Variants in RGS18 observed in about 807,000 individuals in gnomAD.
The protein encoded by RGS18 is regulator of G protein signaling 18.
Under a neutral mutation model 27.6 loss-of-function variants are expected in RGS18, and 22 were observed. The observed-to-expected ratio is 0.80, with a 90% CI of 0.57 to 1.14. The LOEUF is 1.14. RGS18 is among the 50% of genes most tolerant of loss of function. The pLI, the probability that RGS18 is intolerant of heterozygous loss-of-function variation, is 0.00. For synonymous variants in RGS18, 89 were observed against 84.6 expected, an observed-to-expected ratio of 1.05 and a Z score of -0.29; for missense variants, 299 against 269.6, an observed-to-expected ratio of 1.11 and a Z score of -0.76.
intron 3 of RGS18, among the ~76,000 whole-genome samples, chr1:192,173,872 C>T (rs1460362226): frequency 2.0e-5 from 3 of 151,682 alleles, no homozygotes; most frequent in African/African-American, 7.3e-5. Flanking sequence ...TTGTTAATCT[C>T]TGTAGTTTTT....
At chr1:192,166,174 G>C (rs376154473) in intron 3 of RGS18, among the ~76,000 whole-genome samples, 5 of 152,158 alleles carry the variant, frequency 3.3e-5, no homozygotes, top group African/African-American at 1.2e-4. Flanking sequence ...GTGTAGGCAC[G>C]TTTGAAAGGA....
At chr1:192,179,932 AG>A (rs1656422548) in intron 3 of RGS18, among the ~76,000 whole-genome samples, 1 of 151,626 alleles carries the variant, frequency 6.6e-6, no homozygotes. Context: ...TAGTTTTCCA[AG>A]TTGTTACACT....
intron 3 of RGS18, among the ~76,000 whole-genome samples, chr1:192,161,293 G>C (rs1005597099): frequency 3.9e-5 from 6 of 152,160 alleles, no homozygotes; most frequent in Non-Finnish European, 5.9e-5. Flanking sequence ...GATGGAGGGT[G>C]AGGACAAGCA....
rs887069789 is a variant in RGS18, at chr1:192,167,426, C to CT, written c.283+6999dup. Among the ~76,000 whole-genome samples, 884 of 145,630 alleles carry CT rather than the reference C, an allele frequency of 6.1e-3. 5 individuals are homozygous for CT. The highest frequency in any genetic ancestry group is 0.016 in the African/African-American group (655 of 40,130). ...ACCCATAACAAGCACAAGCACTCAA[C>CT]TTTTTTTTTTTTATATTGAATCTCA... On this transcript the variant is annotated intron_variant, in intron 3 of 4. Transcript: ENST00000367460.
intron 3 of RGS18, among the ~76,000 whole-genome samples, chr1:192,161,278 T>G (rs183505420): frequency 3.3e-5 from 5 of 152,326 alleles, no homozygotes; most frequent in Non-Finnish European, 7.3e-5. Flanking sequence ...GAGCTTTGTC[T>G]GTGAGATGGA....
chr1:192,170,341 G>C (rs769524232), intron 3 of RGS18, among the ~76,000 whole-genome samples: 1 of 152,120 alleles, frequency 6.6e-6, no homozygotes, highest in African/African-American at 2.4e-5. Flanking sequence ...TGTCTTCGCA[G>C]TAATAAGCGA....
rs1656052506 is a variant in RGS18, at chr1:192,160,555, T to C, written c.283+116T>C. 3 of 637,892 alleles carry C rather than the reference T, an allele frequency of 4.7e-6. No homozygotes were observed. The East Asian group carries it at 8.5e-5, about 18-fold the overall frequency. 39.5% of individuals were successfully genotyped at this position (637,892 alleles called of 1,614,324 possible). On this transcript the variant is annotated intron_variant, in intron 3 of 4. Transcript: ENST00000367460. ...TTTTTGTCTGATTGTTAATTTTCAGTAATTCAATTTTCTGATCAACAGAAC... is the reference window on the plus strand; with the variant it reads ...TTTTTGTCTGATTGTTAATTTTCAGCAATTCAATTTTCTGATCAACAGAAC...
intron 3 of RGS18, among the ~76,000 whole-genome samples, chr1:192,162,649 A>G (rs1656094216): frequency 6.6e-6 from 1 of 152,018 alleles, no homozygotes. Flanking sequence ...CTTGCCCCGT[A>G]CTCACTTTCT....
At chr1:192,172,594 G>A (rs58014619) in intron 3 of RGS18, among the ~76,000 whole-genome samples, 2,748 of 151,780 alleles carry the variant, frequency 0.018, 87 homozygotes, top group African/African-American at 0.062. Flanking sequence ...TACATTTCCT[G>A]GGTCATGACC....
In RGS18 at chr1:192,185,557, A is replaced by G. The variant is rs545246077; in HGVS notation, c.*1003A>G. ...CTCATTGATTATATTCTTGTTAAGC[A>G]AATCTCCTTAAGTAATTATTATTCA... On this transcript the variant is annotated 3_prime_UTR_variant, in exon 5 of 5. Coordinates refer to ENST00000367460, the MANE Select transcript of RGS18 (RefSeq NM_130782.3). The G allele has an allele frequency of 2.6e-5, 4 of 151,780 alleles. No homozygotes were observed. Among genetic ancestry groups the G allele is most frequent in the African/African-American group, 9.6e-5 (4 of 41,492 alleles). The allele number at this position is 151,780 out of a possible 1,614,324, so 9.4% of individuals were successfully genotyped here.
At chr1:192,167,248 G>T (rs1656177593) in intron 3 of RGS18, among the ~76,000 whole-genome samples, 1 of 152,046 alleles carries the variant, frequency 6.6e-6, no homozygotes, top group South Asian at 2.1e-4. Flanking sequence ...ACAAGGAAAT[G>T]CATACTTCAC....
In RGS18 at chr1:192,158,659, T is replaced by C. The variant is rs1398453749; in HGVS notation, c.22T>C (p.Phe8Leu). The C allele has an allele frequency of 6.4e-7, 1 of 1,571,496 alleles. No individual in the cohort carries two copies. Reference sequence around the variant, plus strand: ...GAAGATGGAAACAACATTGCTTTTCTTTTCTCAAATAAATATGTGTGAATC... The same window carrying C: ...GAAGATGGAAACAACATTGCTTTTCCTTTCTCAAATAAATATGTGTGAATC... METTLLF[F>L]SQINMCESKE... Residue 8 changes from phenylalanine to leucine, a missense_variant, in exon 1 of 5, where the codon TTT (phenylalanine) becomes CTT (leucine). By Grantham distance (22) the Phe-to-Leu change is conservative. Transcript: ENST00000367460.
intron 3 of RGS18, among the ~76,000 whole-genome samples, chr1:192,163,993 T>A (rs1656117050): frequency 6.6e-6 from 1 of 152,020 alleles, no homozygotes; most frequent in Non-Finnish European, 1.5e-5. Flanking sequence ...CATACTTTTC[T>A]CAAATTCTGT....
intron 3 of RGS18, among the ~76,000 whole-genome samples, chr1:192,162,581 C>T (rs962428089): frequency 6.6e-6 from 1 of 152,152 alleles, no homozygotes; most frequent in African/African-American, 2.4e-5. Context: ...TCATGCCCAG[C>T]CCCAGTATAC....
intron 3 of RGS18, among the ~76,000 whole-genome samples, chr1:192,173,114 G>A: frequency 6.6e-6 from 1 of 151,398 alleles, no homozygotes; most frequent in East Asian, 2.0e-4. Context: ...TATTATTCTT[G>A]TTTCATTTTA....
chr1:192,178,845 A>G (rs998468447), intron 3 of RGS18, among the ~76,000 whole-genome samples: 4 of 151,654 alleles, frequency 2.6e-5, no homozygotes, highest in African/African-American at 9.7e-5. Flanking sequence ...AATGATATCA[A>G]CATGTAAAGA....
chr1:192,166,867 G>C (rs910012028), intron 3 of RGS18, among the ~76,000 whole-genome samples: 1 of 152,094 alleles, frequency 6.6e-6, no homozygotes, highest in South Asian at 2.1e-4. Flanking sequence ...AATATGGAAG[G>C]CTGACTTATA....
At chr1:192,163,797 C>A (rs1656112713) in intron 3 of RGS18, 1 of 151,098 alleles carries the variant, frequency 6.6e-6, no homozygotes, top group Non-Finnish European at 1.5e-5. Context: ...CTTTTGTTTG[C>A]AGTGGTTAAA....
chr1:192,178,679 G>A (rs919307567), intron 3 of RGS18, among the ~76,000 whole-genome samples: 2 of 151,564 alleles, frequency 1.3e-5, no homozygotes, highest in Admixed American at 6.6e-5. Context: ...TTTGTGTGTT[G>A]GAAAGTAAAT....
Sources: allele counts gnomAD v4.1 joint callset (sites outside exome capture counted in the v4.1 genomes callset), GRCh38; gene constraint gnomAD v4.1.1; transcripts MANE v1.5; gene names NCBI Gene and HGNC (gene_info 2026-07-23, HGNC 2026-07-21).